DOCK2: variants seen among roughly 807,000 people sequenced by gnomAD.
The protein encoded by DOCK2 is dedicator of cytokinesis protein 2.
In DOCK2, 87 loss-of-function variants were observed where a neutral mutation model predicts 248.9. The observed-to-expected ratio is 0.35, with a 90% CI of 0.29 to 0.42. The LOEUF (loss-of-function observed/expected upper bound fraction) is 0.42, where lower values mean the gene tolerates loss of function less well. Ranked by LOEUF, DOCK2 falls within the 10% of genes least tolerant of loss-of-function variation. The pLI, the probability that DOCK2 is intolerant of heterozygous loss-of-function variation, is 1.00. For synonymous variants in DOCK2, 805 were observed against 821.6 expected, an observed-to-expected ratio of 0.98 and a Z score of 0.35; for missense variants, 1,747 against 2,300.2, an observed-to-expected ratio of 0.76 and a Z score of 4.92.
chr5:170,027,833 A>T (rs748790257), intron 33 of DOCK2, 30 bp from the exon 34 acceptor site: 1 of 1,600,322 alleles, frequency 6.2e-7, no homozygotes, highest in South Asian at 1.1e-5. Flanking sequence ...TTCTGATGTT[A>T]TTGTTGATTT....
intron 36 of DOCK2, chr5:170,040,542 G>A (rs1408000127): frequency 1.2e-5 from 2 of 164,054 alleles, no homozygotes; most frequent in Non-Finnish European, 2.8e-5. Context: ...GAGAGGGGTA[G>A]GAACTGCCCC....
chr5:169,726,353 G>A (rs1404696535), intron 22 of DOCK2, among the ~76,000 whole-genome samples: 1 of 152,102 alleles, frequency 6.6e-6, no homozygotes, highest in East Asian at 1.9e-4. Context: ...TGATGGGGTT[G>A]TTTGATTTTT....
Position 169,874,800 on chromosome 5 carries a change from G to A in DOCK2, c.2799+33948G>A, listed in dbSNP as rs114979749. On this transcript the variant is annotated intron_variant, in intron 27 of 51. Transcript: ENST00000520908. ...ACTGAGAGAGGTGGGAGGAAGGAAC[G>A]GTTACAGCTGAATCTCCCAAGTATT... is the stretch of plus-strand genomic sequence containing the variant. 5.6e-3 allele frequency among the ~76,000 whole-genome samples: 845 copies of A among 152,190 alleles called. 10 individuals are homozygous for A. Among genetic ancestry groups the A allele is most frequent in the African/African-American group, 0.019 (783 of 41,510 alleles).
chr5:169,895,526 C>G (rs368959585), intron 27 of DOCK2, among the ~76,000 whole-genome samples: 1 of 152,100 alleles, frequency 6.6e-6, no homozygotes, highest in African/African-American at 2.4e-5. Context: ...CCAGCATTCA[C>G]GCATCCTCTT....
At chr5:169,648,682 G>A (rs556569909) in intron 1 of DOCK2, among the ~76,000 whole-genome samples, 13 of 152,270 alleles carry the variant, frequency 8.5e-5, no homozygotes, top group African/African-American at 3.1e-4. Context: ...CACTACCTCA[G>A]TTTCCTCATC....
rs1003987853 is a variant in DOCK2, at chr5:169,825,170, T to C, written c.2704-15587T>C. Among the ~76,000 whole-genome samples, 5 of 152,314 alleles carry C rather than the reference T, an allele frequency of 3.3e-5. 1 individual carries two copies. Among genetic ancestry groups the C allele is most frequent in the African/African-American group, 1.2e-4 (5 of 41,564 alleles). On this transcript the variant is annotated intron_variant, in intron 26 of 51. Coordinates refer to ENST00000520908, the MANE Select transcript of DOCK2 (RefSeq NM_004946.3). Reference sequence around the variant, plus strand: ...AATAGGAACACTTTTACACTGTTGGTGGGACTGTAAACTAGTTCAACCATT... The same window carrying C: ...AATAGGAACACTTTTACACTGTTGGCGGGACTGTAAACTAGTTCAACCATT...
At chr5:169,726,456 T>G (rs1762478142) in intron 22 of DOCK2, among the ~76,000 whole-genome samples, 1 of 152,244 alleles carries the variant, frequency 6.6e-6, no homozygotes, top group Non-Finnish European at 1.5e-5. Flanking sequence ...TTCTGTAGGT[T>G]GCCTGTTCAC....
At chr5:169,649,195 C>G (rs1227661621) in intron 1 of DOCK2, among the ~76,000 whole-genome samples, 2 of 152,192 alleles carry the variant, frequency 1.3e-5, no homozygotes, top group Admixed American at 1.3e-4. Flanking sequence ...TGCTTTTGTT[C>G]CTCTTACACA....
intron 27 of DOCK2, among the ~76,000 whole-genome samples, chr5:169,898,149 G>A (rs778287007): frequency 5.3e-5 from 8 of 152,298 alleles, no homozygotes; most frequent in South Asian, 2.1e-4. Context: ...TCATCAGTAC[G>A]TTCTGAGCTT....
At chr5:169,743,523 A>G (rs560744171) in intron 22 of DOCK2, among the ~76,000 whole-genome samples, 8 of 152,374 alleles carry the variant, frequency 5.3e-5, no homozygotes, top group African/African-American at 1.9e-4. Flanking sequence ...AATGCCAGCT[A>G]CAATATTAAG....
chr5:170,041,059 C>G lies in DOCK2; in HGVS notation c.3670C>G (p.Leu1224Val). 6.2e-7 allele frequency: 1 copy of G among 1,613,416 alleles called. No individual in the cohort carries two copies. Among genetic ancestry groups the G allele is most frequent in the Non-Finnish European group, 8.5e-7 (1 of 1,179,850 alleles). Residue 1224 changes from leucine (L) to valine (V), a missense_variant, in exon 37 of 52, where the codon CTG (leucine) becomes GTG (valine). Transcript: ENST00000520908. ...NNREEMYIRY[L>V]YKLRDLHLDC... The stretch of plus-strand genomic sequence containing the variant: ...TGCATATTTTCCCTCAAACAGGTAC[C>G]TGTACAAACTCCGCGATCTTCACCT...
chr5:169,890,561 G>A (rs1773223290), intron 27 of DOCK2, among the ~76,000 whole-genome samples: 1 of 152,098 alleles, frequency 6.6e-6, no homozygotes, highest in African/African-American at 2.4e-5. Flanking sequence ...AGCTTTCTCA[G>A]TAAGGAAAAG....
chr5:170,014,510 C>T (rs1014355837), intron 32 of DOCK2, among the ~76,000 whole-genome samples: 1 of 151,938 alleles, frequency 6.6e-6, no homozygotes, highest in African/African-American at 2.4e-5. Flanking sequence ...ATTTTTTACA[C>T]TTGCAGCACA....
chr5:169,873,738 T>C (rs1337321082), intron 27 of DOCK2, among the ~76,000 whole-genome samples: 1 of 152,174 alleles, frequency 6.6e-6, no homozygotes, highest in East Asian at 1.9e-4. Context: ...GGTTAGGTAA[T>C]AGCTTTGAGT....
intron 30 of DOCK2, among the ~76,000 whole-genome samples, chr5:170,007,167 T>G (rs1425611409): frequency 6.6e-6 from 1 of 152,224 alleles, no homozygotes; most frequent in Non-Finnish European, 1.5e-5. Context: ...CTTGGCCATC[T>G]GCAAACACGA....
intron 27 of DOCK2, among the ~76,000 whole-genome samples, chr5:169,929,154 C>T (rs1235560471): frequency 1.3e-5 from 2 of 152,280 alleles, no homozygotes; most frequent in Non-Finnish European, 2.9e-5. Flanking sequence ...GCACATAGCA[C>T]TTAGGCATAG....
chr5:169,800,828 G>A (rs1766915951), intron 25 of DOCK2, among the ~76,000 whole-genome samples: 1 of 152,150 alleles, frequency 6.6e-6, no homozygotes, highest in South Asian at 2.1e-4. Flanking sequence ...ATCTTGGAGG[G>A]AGAGGGGACT....
In DOCK2 at chr5:169,961,935, T is replaced by C. The variant is rs369475936; in HGVS notation, c.2800-21133T>C. On this transcript the variant is annotated intron_variant, in intron 27 of 51. Transcript: ENST00000520908. ...CGGAGGTTGCAGTGAGCCGAGATCGTGCCACTGCACTCCAGCCTGGGTGAA... is the reference window on the plus strand; with the variant it reads ...CGGAGGTTGCAGTGAGCCGAGATCGCGCCACTGCACTCCAGCCTGGGTGAA... Among the ~76,000 whole-genome samples, 260 of 125,566 alleles carry C rather than the reference T, an allele frequency of 2.1e-3. 4 individuals carry two copies. In the South Asian group the frequency reaches 0.057, roughly 28 times the overall value. The allele number at this position is 125,566 out of a possible 152,430, so 82.4% of individuals were successfully genotyped here. A position where few individuals can be genotyped will look rare whatever the true frequency, so the allele number is the denominator to read the frequency against.
At chr5:169,883,810 C>A in intron 27 of DOCK2, 1 of 1,550,724 alleles carries the variant, frequency 6.4e-7, no homozygotes, top group South Asian at 1.2e-5. Context: ...TTTGCTCCTG[C>A]GGTGGTGAGG....
Sources: gnomAD v4.1 joint callset for allele counts (sites outside exome capture counted in the v4.1 genomes callset) on GRCh38, gnomAD v4.1.1 for gene constraint, MANE v1.5 for transcripts, NCBI Gene and HGNC (gene_info 2026-07-23, HGNC 2026-07-21) for gene names.